The following SLC8A2 variants were observed in gnomAD, a reference collection of about 807,000 sequenced individuals.
SLC8A2 encodes the protein solute carrier family 8 member A2, also known as sodium/calcium exchanger 2.
A neutral mutation model predicts 70.2 loss-of-function variants in SLC8A2; 14 were observed. The observed-to-expected ratio is 0.20, with a 90% CI of 0.13 to 0.31. The LOEUF is 0.31. SLC8A2 is among the 10% of genes least tolerant of loss of function. The probability of loss-of-function intolerance (pLI) is 1.00; values close to 1 mark genes in which losing one functional copy is unlikely to be tolerated. For missense variants in SLC8A2, 779 were observed against 1,320.1 expected (o/e 0.59, Z 6.35); for synonymous variants, 575 against 594.3 (o/e 0.97, Z 0.47).
chr19:47,434,656 A>G (rs1276010610), intron 8 of SLC8A2, among the ~76,000 whole-genome samples: 1 of 152,168 alleles, frequency 6.6e-6, no homozygotes, highest in African/African-American at 2.4e-5. Flanking sequence ...CCAGCCCACA[A>G]GGAGCTTACA....
intron 4 of SLC8A2, among the ~76,000 whole-genome samples, chr19:47,445,524 T>A (rs547963009): frequency 6.6e-6 from 1 of 152,330 alleles, no homozygotes; most frequent in East Asian, 1.9e-4. Flanking sequence ...TCTGTCTCTG[T>A]CTCTCATGCT....
At chr19:47,449,251 C>T (rs1421999227) in intron 3 of SLC8A2, among the ~76,000 whole-genome samples, 2 of 152,068 alleles carry the variant, frequency 1.3e-5, no homozygotes, top group East Asian at 1.9e-4. Flanking sequence ...GAGGAGGTAA[C>T]ATTTGAGCAG....
At chr19:47,452,397 GGAGAGAGAGAGAGAGAGAGAGAGAGAGA>G (rs56184564) in intron 3 of SLC8A2, among the ~76,000 whole-genome samples, 3 of 65,482 alleles carry the variant, frequency 4.6e-5, no homozygotes, top group African/African-American at 1.8e-4. Flanking sequence ...ATATATATAT[GGAGAGAGAGAGAGAGAGAGAGAGAGAGA>G]GAGAGAGAGA....
At position 47,428,095 on chromosome 19, in the gene SLC8A2, C is replaced by G. The variant is rs1966896949; in HGVS notation, c.*1994G>C. On this transcript the variant is annotated 3_prime_UTR_variant, in exon 10 of 10. Coordinates refer to ENST00000236877, the MANE Select transcript of SLC8A2 (RefSeq NM_015063.3). ...CTTTGGCTCAGGCAAATGAACGTCT[C>G]TCTTTTGTGTTCCCAGGATGCCCAT... 1 of 152,268 alleles carries G rather than the reference C, an allele frequency of 6.6e-6. No homozygotes were observed. The highest frequency in any genetic ancestry group is 1.5e-5 in the Non-Finnish European group (1 of 68,060). 9.4% of individuals were successfully genotyped at this position (152,268 alleles called of 1,614,324 possible).
At position 47,465,612 on chromosome 19, in the gene SLC8A2, C is replaced by G; in HGVS notation, c.675+117G>C. ...CTGCACAACCGTACTTGGCAGCCCT[C>G]TCAGATGTGAGTGTGCATTTCTGCA... is the stretch of plus-strand genomic sequence containing the variant. On this transcript the variant is annotated intron_variant, in intron 2 of 9. Coordinates refer to ENST00000236877, the MANE Select transcript of SLC8A2 (RefSeq NM_015063.3). The surrounding 1 kb of genome is among the most constrained non-coding windows in gnomAD (Gnocchi z 5.5). The G allele has an allele frequency of 2.2e-6, 2 of 928,210 alleles. No individual in the cohort carries two copies. The highest frequency in any genetic ancestry group is 3.2e-6 in the Non-Finnish European group (2 of 623,858). 57.5% of individuals were successfully genotyped at this position (928,210 alleles called of 1,614,324 possible). A position where few individuals can be genotyped will look rare whatever the true frequency, so the allele number is the denominator to read the frequency against.
In SLC8A2 at chr19:47,465,764, G is replaced by C; in HGVS notation, c.640C>G (p.Leu214Val). 6.2e-7 allele frequency: 1 copy of C among 1,613,566 alleles called. No individual in the cohort carries two copies. The highest frequency in any genetic ancestry group is 8.5e-7 in the Non-Finnish European group (1 of 1,179,650). The change falls in exon 2 of 10, where the codon CTC becomes GTC. Residue 214 changes from leucine to valine, a missense_variant. Around this residue, in one of 6 missense-constraint regions of SLC8A2, gnomAD observed 155 missense variants for 318.6 expected, o/e 0.49. Coordinates refer to ENST00000236877, the MANE Select transcript of SLC8A2 (RefSeq NM_015063.3). This position sits in a 1 kb window ranked among gnomAD's most constrained non-coding sequence, Gnocchi z 5.5. ...WSIFAYVWLY[L>V]ILAVFSPGVV... The stretch of plus-strand genomic sequence containing the variant: ...CCGGGGGAAAAAACAGCAAGGATGA[G>C]ATAAAGCCAGACATAGGCGAAGATG...
intron 8 of SLC8A2, among the ~76,000 whole-genome samples, chr19:47,436,895 C>T (rs1416712832): frequency 1.3e-5 from 2 of 152,106 alleles, no homozygotes; most frequent in African/African-American, 4.8e-5. Flanking sequence ...TGACTGTCTC[C>T]AGGGCAACGG....
chr19:47,439,888 T>C (rs1967079500), intron 6 of SLC8A2, among the ~76,000 whole-genome samples: 1 of 152,154 alleles, frequency 6.6e-6, no homozygotes, highest in African/African-American at 2.4e-5. Flanking sequence ...GGTCTTGAAC[T>C]CCTGACCTTA....
intron 3 of SLC8A2, among the ~76,000 whole-genome samples, chr19:47,450,974 G>A (rs1967227315): frequency 6.6e-6 from 1 of 151,560 alleles, no homozygotes; most frequent in Non-Finnish European, 1.5e-5. Flanking sequence ...GGGATAAAGG[G>A]ATCAGTAAAA....
intron 3 of SLC8A2, among the ~76,000 whole-genome samples, chr19:47,449,751 C>T (rs1386111418): frequency 6.6e-6 from 1 of 152,136 alleles, no homozygotes; most frequent in African/African-American, 2.4e-5. Context: ...GGGAGACCAG[C>T]ATGATGACAG....
chr19:47,451,597 C>T (rs1967236359), intron 3 of SLC8A2, among the ~76,000 whole-genome samples: 1 of 152,258 alleles, frequency 6.6e-6, no homozygotes, highest in Non-Finnish European at 1.5e-5. Context: ...GCATGATCCA[C>T]TGCATACATC....
At chr19:47,446,694 C>A (rs934215672) in intron 4 of SLC8A2, among the ~76,000 whole-genome samples, 2 of 152,266 alleles carry the variant, frequency 1.3e-5, no homozygotes, top group Middle Eastern at 3.4e-3. Context: ...TACAGACATG[C>A]GCCACCACTA....
At position 47,429,762 on chromosome 19, in the gene SLC8A2, C is replaced by T; in HGVS notation, c.*327G>A. 1 of 410,050 alleles carries T rather than the reference C, an allele frequency of 2.4e-6. No individual in the cohort carries two copies. The highest frequency in any genetic ancestry group is 4.4e-6 in the Non-Finnish European group (1 of 226,622). 25.4% of individuals were successfully genotyped at this position (410,050 alleles called of 1,614,324 possible). On this transcript the variant is annotated 3_prime_UTR_variant, in exon 10 of 10. Transcript: ENST00000236877. ...GACCAAGGAGAGAGACCTTAAACTC[C>T]CCAGGATGGTTACTGGGGGTGGTTC...
At chr19:47,463,362 T>C (rs1449257509) in intron 2 of SLC8A2, among the ~76,000 whole-genome samples, 1 of 149,538 alleles carries the variant, frequency 6.7e-6, no homozygotes, top group East Asian at 2.0e-4. Context: ...CCCTATCTCC[T>C]GACCTTGTGA....
chr19:47,467,480 T>C (rs1967478530), intron 1 of SLC8A2, among the ~76,000 whole-genome samples: 1 of 152,064 alleles, frequency 6.6e-6, no homozygotes, highest in Non-Finnish European at 1.5e-5. Context: ...CCCAAGGTGG[T>C]AGCAGGCATC....
At chr19:47,460,453 T>C (rs1446203659) in intron 2 of SLC8A2, among the ~76,000 whole-genome samples, 1 of 152,130 alleles carries the variant, frequency 6.6e-6, no homozygotes, top group Non-Finnish European at 1.5e-5. Flanking sequence ...ATCCCAGCAC[T>C]TTGGGAGGCC....
In SLC8A2 at chr19:47,429,906, A is replaced by C. The variant is rs1966928038; in HGVS notation, c.*183T>G. ...GGGGAGGCTCCCGAGAGGAAGAGGG[A>C]AGGCTGAGCTACTGGGGACACAGAA... On this transcript the variant is annotated 3_prime_UTR_variant, in exon 10 of 10. Coordinates refer to ENST00000236877, the MANE Select transcript of SLC8A2 (RefSeq NM_015063.3). 3 of 621,870 alleles carry C rather than the reference A, an allele frequency of 4.8e-6. No individual in the cohort carries two copies. In the East Asian group the frequency reaches 8.5e-5, roughly 18 times the overall value. 38.5% of individuals were successfully genotyped at this position (621,870 alleles called of 1,614,324 possible).
At position 47,457,337 on chromosome 19, in the gene SLC8A2, G is replaced by A. The variant is rs1262421227; in HGVS notation, c.933C>T (p.Ser311=). 7.8e-6 allele frequency: 12 copies of A among 1,542,034 alleles called. No individual in the cohort carries two copies. Among genetic ancestry groups the A allele is most frequent in the African/African-American group, 2.8e-5 (2 of 71,638 alleles). The change falls in exon 3 of 10, where the codon AGC becomes AGT. Residue 311 remains serine, a synonymous_variant. Coordinates refer to ENST00000236877, the MANE Select transcript of SLC8A2 (RefSeq NM_015063.3). Reference sequence around the variant, plus strand: ...TGAGGATCTGGATGACCTCGCGGCGGCTGGCGTCCAGCTCGCGCGCCTCGG... The same window carrying A: ...TGAGGATCTGGATGACCTCGCGGCGACTGGCGTCCAGCTCGCGCGCCTCGG... ...GPAEARELDA[S]RREVIQILKD...
chr19:47,435,550 G>GTTTTT (rs895524785), intron 8 of SLC8A2, among the ~76,000 whole-genome samples: 2 of 133,300 alleles, frequency 1.5e-5, no homozygotes, highest in African/African-American at 2.8e-5. Context: ...TCTTTTCTTC[G>GTTTTT]TTTTTTTTTT....
Sources: gnomAD v4.1 joint callset for allele counts (sites outside exome capture counted in the v4.1 genomes callset) on GRCh38, gnomAD v4.1.1 for gene constraint, gnomAD v4.1.1 regional missense constraint, Gnocchi (gnomAD v3.1) non-coding constraint, MANE v1.5 for transcripts, NCBI Gene and HGNC (gene_info 2026-07-23, HGNC 2026-07-21) for gene names.